Variants in SLCO6A1 observed in about 807,000 individuals in gnomAD.
The protein encoded by SLCO6A1 is cancer/testis antigen 48.
SLCO6A1 carries 65 observed loss-of-function variants against 72.7 expected under a neutral mutation model. The ratio of observed to expected loss-of-function variants is 0.89; its 90% CI spans 0.73 to 1.10. The LOEUF (loss-of-function observed/expected upper bound fraction) is 1.10, where lower values mean the gene tolerates loss of function less well. Among genes scored for constraint, SLCO6A1 ranks in the 50% least tolerant of loss-of-function variants. The pLI is 0.00. For missense variants in SLCO6A1, 874 were observed against 872.6 expected, an observed-to-expected ratio of 1.00 and a Z score of -0.02; for synonymous variants, 314 against 298.2, an observed-to-expected ratio of 1.05 and a Z score of -0.55.
chr5:102,492,822 G>A (rs751018497), intron 1 of SLCO6A1, among the ~76,000 whole-genome samples: 11 of 152,046 alleles, frequency 7.2e-5, no homozygotes, highest in Non-Finnish European at 1.0e-4. Flanking sequence ...ACTGCAAGGC[G>A]GCAACGAGGC....
rs767892320 is a variant in SLCO6A1 at position 102,498,677 on chromosome 5, C to G, written c.168G>C (p.Glu56Asp). The change falls in exon 1 of 14, where the codon GAG becomes GAC. Residue 56 changes from glutamate to aspartate, a missense_variant. Transcript: ENST00000506729. The part of the protein sequence containing the change: ...KKHRYLRLLP[E>D]ALIRFGGFRK... ...GGAAACCGCCGAACCTTATCAAGGCCTCTGGAAGTAGTCTCAGATACCGGT... is the reference window on the plus strand; with the variant it reads ...GGAAACCGCCGAACCTTATCAAGGCGTCTGGAAGTAGTCTCAGATACCGGT... The G allele has an allele frequency of 7.4e-6, 12 of 1,614,228 alleles. No homozygotes were observed. The highest frequency in any genetic ancestry group is 9.3e-6 in the Non-Finnish European group (11 of 1,180,042).
intron 7 of SLCO6A1, among the ~76,000 whole-genome samples, chr5:102,427,405 C>T (rs1748952467): frequency 6.6e-6 from 1 of 151,970 alleles, no homozygotes; most frequent in Non-Finnish European, 1.5e-5. Flanking sequence ...TAGTATATTC[C>T]CTTGATATGA....
chr5:102,450,738 ATTGGTATGATTAGCC>A (rs1301468079), intron 6 of SLCO6A1, among the ~76,000 whole-genome samples: 1 of 152,122 alleles, frequency 6.6e-6, no homozygotes, highest in Admixed American at 6.5e-5. Context: ...AAGCACACCA[ATTGGTATGATTAGCC>A]CAGGGTGAAG....
At chr5:102,389,710 C>T (rs1580338461) in intron 11 of SLCO6A1, among the ~76,000 whole-genome samples, 1 of 151,974 alleles carries the variant, frequency 6.6e-6, no homozygotes, top group African/African-American at 2.4e-5. Flanking sequence ...ATCCATCATA[C>T]ATCTTTGTAA....
At chr5:102,414,903 G>T (rs2112595573) in intron 8 of SLCO6A1, among the ~76,000 whole-genome samples, 1 of 124,896 alleles carries the variant, frequency 8.0e-6, no homozygotes, top group Admixed American at 8.5e-5. Context: ...CTCAAAGTAA[G>T]TAAGTAAATA....
intron 12 of SLCO6A1, 113 bp downstream of exon 12, chr5:102,388,575 T>A: frequency 1.2e-6 from 1 of 815,912 alleles, no homozygotes; most frequent in Admixed American, 3.7e-5. Flanking sequence ...CCTTTACTCA[T>A]CAAAGTACTT....
intron 4 of SLCO6A1, among the ~76,000 whole-genome samples, chr5:102,474,207 T>C (rs1751776496): frequency 6.6e-6 from 1 of 152,036 alleles, no homozygotes; most frequent in Non-Finnish European, 1.5e-5. Context: ...CAAAACAGTA[T>C]GGTACTGGTA....
intron 10 of SLCO6A1, among the ~76,000 whole-genome samples, chr5:102,395,122 G>A (rs1746992526): frequency 1.3e-5 from 2 of 152,034 alleles, no homozygotes; most frequent in Non-Finnish European, 2.9e-5. Flanking sequence ...TATGTGTCAT[G>A]TTGGTGTGAT....
chr5:102,428,146 G>A (rs189402582), intron 7 of SLCO6A1, among the ~76,000 whole-genome samples: 1 of 151,428 alleles, frequency 6.6e-6, no homozygotes, highest in East Asian at 1.9e-4. Context: ...TGAGATTATA[G>A]GCATGAACCA....
intron 6 of SLCO6A1, among the ~76,000 whole-genome samples, chr5:102,440,844 T>C (rs1189196657): frequency 2.0e-5 from 3 of 152,258 alleles, no homozygotes; most frequent in African/African-American, 7.2e-5. Flanking sequence ...GTAACAAGTA[T>C]AAAGTAGTAC....
At chr5:102,450,059 T>C (rs938909542) in intron 6 of SLCO6A1, among the ~76,000 whole-genome samples, 1 of 152,220 alleles carries the variant, frequency 6.6e-6, no homozygotes, top group Non-Finnish European at 1.5e-5. Context: ...CTTATATTCC[T>C]TGGGATGGGT....
At chr5:102,409,160 AG>A (rs991361816) in intron 9 of SLCO6A1, among the ~76,000 whole-genome samples, 5 of 152,166 alleles carry the variant, frequency 3.3e-5, no homozygotes, top group African/African-American at 1.2e-4. Flanking sequence ...AAAGCTGCCC[AG>A]GAATATTATC....
chr5:102,388,820 T>C lies in SLCO6A1; in HGVS notation c.1885A>G (p.Ile629Val), dbSNP rs753373580. Reference sequence around the variant, plus strand: ...ATTTTAAAGATTGATGGTCCAGGAATAGTCCCTATGAAAAATGCAATGATT... The same window carrying C: ...ATTTTAAAGATTGATGGTCCAGGAACAGTCCCTATGAAAAATGCAATGATT... Reference protein sequence around the residue: ...SYVILRIFGTIPGPSIFKMSG... With the variant: ...SYVILRIFGTVPGPSIFKMSG... Residue 629 changes from isoleucine to valine, a missense_variant, in exon 12 of 14, where the codon ATT (isoleucine) becomes GTT (valine). Physicochemically the swap from Ile to Val is conservative, Grantham distance 29. Coordinates refer to ENST00000506729, the MANE Select transcript of SLCO6A1 (RefSeq NM_173488.5). The C allele has an allele frequency of 6.3e-7, 1 of 1,594,876 alleles. No individual in the cohort carries two copies. Among genetic ancestry groups the C allele is most frequent in the Non-Finnish European group, 8.5e-7 (1 of 1,175,074 alleles).
rs78095595 is a variant in SLCO6A1 at position 102,431,804 on chromosome 5, G to T, written c.1276+6813C>A. The stretch of plus-strand genomic sequence containing the variant: ...AACATCTTTGTTAATTTTCTGCCTT[G>T]ACAACCTTTCTAACACTTTCGGTGA... On this transcript the variant is annotated intron_variant, in intron 7 of 13. Coordinates refer to ENST00000506729, the MANE Select transcript of SLCO6A1 (RefSeq NM_173488.5). 1.5e-3 allele frequency among the ~76,000 whole-genome samples: 230 copies of T among 152,202 alleles called. 4 individuals are homozygous for T. In the East Asian group the frequency reaches 0.043, roughly 29 times the overall value.
At chr5:102,496,592 T>G (rs1286720149) in intron 1 of SLCO6A1, among the ~76,000 whole-genome samples, 1 of 152,128 alleles carries the variant, frequency 6.6e-6, no homozygotes, top group Non-Finnish European at 1.5e-5. Flanking sequence ...TGACCCAACA[T>G]AGTGGGAAGT....
Position 102,498,659 on chromosome 5 carries a change from G to A in SLCO6A1, c.186C>T (p.Gly62=), listed in dbSNP as rs1753022714. The change falls in exon 1 of 14, where the codon GGC becomes GGT. Residue 62 remains glycine (G), a synonymous_variant. Transcript: ENST00000506729. ...TGGCTTTTTTCCTTTTTCGGAAACC[G>A]CCGAACCTTATCAAGGCCTCTGGAA... ...RLLPEALIRF[G]GFRKRKKAKS... The A allele has an allele frequency of 6.2e-7, 1 of 1,614,170 alleles. No individual in the cohort carries two copies. The highest frequency in any genetic ancestry group is 1.1e-5 in the South Asian group (1 of 91,088).
At chr5:102,430,608 G>T (rs1256348532) in intron 7 of SLCO6A1, among the ~76,000 whole-genome samples, 2 of 151,982 alleles carry the variant, frequency 1.3e-5, no homozygotes, top group African/African-American at 4.8e-5. Flanking sequence ...GTTTATTGAC[G>T]TGTGTATGTT....
chr5:102,415,989 A>C (rs1280243100), intron 8 of SLCO6A1, among the ~76,000 whole-genome samples: 5 of 152,190 alleles, frequency 3.3e-5, no homozygotes, highest in African/African-American at 1.2e-4. Context: ...ACAAATGCAA[A>C]TCCAAACCAT....
At chr5:102,434,196 T>C (rs777971649) in intron 7 of SLCO6A1, among the ~76,000 whole-genome samples, 2 of 152,118 alleles carry the variant, frequency 1.3e-5, no homozygotes, top group African/African-American at 2.4e-5. Flanking sequence ...ATTTATACGA[T>C]GAGTAGCCTT....
Sources: allele counts gnomAD v4.1 joint callset (sites outside exome capture counted in the v4.1 genomes callset), GRCh38; gene constraint gnomAD v4.1.1; transcripts MANE v1.5; gene names NCBI Gene and HGNC (gene_info 2026-07-23, HGNC 2026-07-21).